Variants in GLIS3 observed in about 807,000 individuals in gnomAD.
The protein encoded by GLIS3 is zinc finger protein GLIS3.
A neutral mutation model predicts 78.6 loss-of-function variants in GLIS3; 53 were observed. The observed-to-expected ratio is 0.67, with a 90% CI of 0.54 to 0.85. The LOEUF (loss-of-function observed/expected upper bound fraction) is 0.85, where lower values mean the gene tolerates loss of function less well. Ranked by LOEUF, GLIS3 falls within the 40% of genes least tolerant of loss-of-function variation. The probability of loss-of-function intolerance (pLI) is 0.00; values close to 1 mark genes in which losing one functional copy is unlikely to be tolerated. For missense variants in GLIS3, 1,703 were observed against 1,231.1 expected, an observed-to-expected ratio of 1.38 and a Z score of -5.74; for synonymous variants, 684 against 509.9, an observed-to-expected ratio of 1.34 and a Z score of -4.60.
At chr9:3,970,158 A>G (rs1818275077) in intron 4 of GLIS3, among the ~76,000 whole-genome samples, 1 of 152,230 alleles carries the variant, frequency 6.6e-6, no homozygotes. Flanking sequence ...GCTGGTACAC[A>G]CATATAACCA....
At chr9:3,953,793 C>CTATA (rs1272427441) in intron 4 of GLIS3, among the ~76,000 whole-genome samples, 50 of 46,906 alleles carry the variant, frequency 1.1e-3, no homozygotes, top group East Asian at 5.3e-3. Flanking sequence ...CTCTCTCTCT[C>CTATA]TCTATATATA....
intron 2 of GLIS3, among the ~76,000 whole-genome samples, chr9:4,216,834 T>C (rs1306080592): frequency 6.6e-6 from 1 of 152,148 alleles, no homozygotes; most frequent in Non-Finnish European, 1.5e-5. Context: ...CAAACAGAGA[T>C]GAAGCAGACA....
intron 2 of GLIS3, among the ~76,000 whole-genome samples, chr9:4,165,608 A>C (rs1169047104): frequency 1.3e-5 from 2 of 152,256 alleles, no homozygotes; most frequent in African/African-American, 4.8e-5. Flanking sequence ...AGAATCAGGA[A>C]GGCTTCCAGA....
intron 1 of GLIS3, among the ~76,000 whole-genome samples, chr9:4,288,283 C>A (rs1828167410): frequency 6.6e-6 from 1 of 152,142 alleles, no homozygotes; most frequent in Non-Finnish European, 1.5e-5. Context: ...TCTGAGCACT[C>A]TGAACCCTGC....
chr9:4,038,669 T>C (rs1824536409), intron 4 of GLIS3, among the ~76,000 whole-genome samples: 1 of 152,230 alleles, frequency 6.6e-6, no homozygotes, highest in African/African-American at 2.4e-5. Flanking sequence ...TAAAAGATGA[T>C]GACTGGCCCT....
chr9:4,465,909 T>C, the GLIS3 span, among the ~76,000 whole-genome samples: 35 of 152,280 alleles, frequency 2.3e-4, no homozygotes, highest in African/African-American at 6.0e-4. Context: ...TTGAAGTTGA[T>C]AGAAAATTGC....
At chr9:4,377,256 G>C in the GLIS3 span, among the ~76,000 whole-genome samples, 219 of 135,470 alleles carry the variant, frequency 1.6e-3, 44 homozygotes, top group African/African-American at 5.5e-3. Flanking sequence ...AGCGCATCTG[G>C]AACAAAGCAG....
chr9:4,384,544 A>T, the GLIS3 span, among the ~76,000 whole-genome samples: 3 of 147,572 alleles, frequency 2.0e-5, no homozygotes, highest in Admixed American at 1.4e-4. Flanking sequence ...TCTTTCCTTT[A>T]TATAATATAT....
intron 4 of GLIS3, among the ~76,000 whole-genome samples, chr9:4,105,989 C>T (rs1830721359): frequency 6.6e-6 from 1 of 152,174 alleles, no homozygotes. Flanking sequence ...TAAACTCAAT[C>T]CATGCCGCAA....
At chr9:4,182,477 A>T (rs1817417034) in intron 2 of GLIS3, among the ~76,000 whole-genome samples, 1 of 152,210 alleles carries the variant, frequency 6.6e-6, no homozygotes, top group Non-Finnish European at 1.5e-5. Context: ...TGTCGGGGAT[A>T]TTTTATCATC....
chr9:4,316,186 G>A (rs577884570), intron 2 of GLIS3, among the ~76,000 whole-genome samples: 1 of 152,146 alleles, frequency 6.6e-6, no homozygotes, highest in East Asian at 1.9e-4. Flanking sequence ...TTCTGGTTTT[G>A]GAAGAGAGGT....
chr9:4,355,608 A>C, the GLIS3 span, among the ~76,000 whole-genome samples: 1 of 152,212 alleles, frequency 6.6e-6, no homozygotes, highest in African/African-American at 2.4e-5. Flanking sequence ...GGAGGAGTCA[A>C]AGACAAGCTT....
chr9:4,386,314 A>T, the GLIS3 span: 1 of 152,192 alleles, frequency 6.6e-6, no homozygotes, highest in Non-Finnish European at 1.5e-5. Flanking sequence ...TTTCATAGCC[A>T]AATCTTTTGT....
chr9:4,316,192 G>A (rs1034869830), intron 2 of GLIS3, among the ~76,000 whole-genome samples: 1 of 152,152 alleles, frequency 6.6e-6, no homozygotes, highest in African/African-American at 2.4e-5. Context: ...TTTTGGAAGA[G>A]AGGTTAGGAT....
upstream of GLIS3, among the ~76,000 whole-genome samples, chr9:4,350,009 G>C (rs889849473): frequency 6.6e-6 from 1 of 152,228 alleles, no homozygotes; most frequent in African/African-American, 2.4e-5. Flanking sequence ...AGACTTAGAC[G>C]GACCAAGAGC....
At chr9:4,386,442 T>G in the GLIS3 span, 1 of 152,204 alleles carries the variant, frequency 6.6e-6, no homozygotes, top group Admixed American at 6.5e-5. Flanking sequence ...ATTTGCATGT[T>G]ATCCTTGTGC....
the GLIS3 span, among the ~76,000 whole-genome samples, chr9:4,474,985 ATTTTTTTTTCT>A: frequency 1.7e-5 from 2 of 114,490 alleles, no homozygotes; most frequent in African/African-American, 7.0e-5. Flanking sequence ...GACTATGTTA[ATTTTTTTTTCT>A]TTTTTTTTTT....
chr9:4,440,207 T>G, the GLIS3 span, among the ~76,000 whole-genome samples: 1 of 152,238 alleles, frequency 6.6e-6, no homozygotes, highest in South Asian at 2.1e-4. Context: ...TAATCCCATT[T>G]TTCCAATATT....
chr9:4,220,415 G>T (rs1424087792), intron 2 of GLIS3, among the ~76,000 whole-genome samples: 1 of 152,190 alleles, frequency 6.6e-6, no homozygotes, highest in Non-Finnish European at 1.5e-5. Flanking sequence ...TCACAGTAGA[G>T]AAAACTGGCA....
Sources: allele counts gnomAD v4.1 joint callset (sites outside exome capture counted in the v4.1 genomes callset), GRCh38; gene constraint gnomAD v4.1.1; transcripts MANE v1.5; gene names NCBI Gene and HGNC (gene_info 2026-07-23, HGNC 2026-07-21).